ZCCHC4: variants seen among roughly 807,000 people sequenced by gnomAD.
The protein encoded by ZCCHC4 is zinc finger CCHC-type containing 4.
Under a neutral mutation model 67.7 loss-of-function variants are expected in ZCCHC4, and 54 were observed. The observed-to-expected ratio is 0.80, with a 90% CI of 0.64 to 1.00. The LOEUF (loss-of-function observed/expected upper bound fraction) is 1.00. ZCCHC4 is among the 50% of genes least tolerant of loss of function. ZCCHC4 has a pLI of 0.00. For synonymous variants in ZCCHC4, 198 were observed against 213.5 expected (o/e 0.93, Z 0.63); for missense variants, 609 against 617.0 (o/e 0.99, Z 0.14).
Position 25,364,594 on chromosome 4 carries a change from C to T in ZCCHC4, c.1261+89C>T, listed in dbSNP as rs150935198. ...ATAGATTTTTCATTGGATTTATAAA[C>T]GAAAAAATAATCAGTGTAGAGACTT... On this transcript the variant is annotated intron_variant, in intron 11 of 12. Transcript: ENST00000302874. The T allele has an allele frequency of 3.7e-5, 43 of 1,160,748 alleles. No homozygotes were observed. The East Asian group carries it at 7.3e-4, about 20-fold the overall frequency. The allele number at this position is 1,160,748 out of a possible 1,614,324, so 71.9% of individuals were successfully genotyped here.
chr4:25,366,182 C>T, intron 12 of ZCCHC4: 1 of 981,628 alleles, frequency 1.0e-6, no homozygotes, highest in Non-Finnish European at 1.2e-6. Context: ...TGTGGTCTAG[C>T]CACTTGAATT....
chr4:25,313,843 C>T (rs1327451535), intron 1 of ZCCHC4, among the ~76,000 whole-genome samples: 4 of 152,048 alleles, frequency 2.6e-5, no homozygotes, highest in Non-Finnish European at 5.9e-5. Flanking sequence ...TCAGCCTGGG[C>T]GACAGAGGGA....
At chr4:25,352,098 T>C in intron 8 of ZCCHC4, 11 of 988,600 alleles carry the variant, frequency 1.1e-5, no homozygotes, top group Non-Finnish European at 1.3e-5. Context: ...TAAATCACCT[T>C]TGTGGTTGGT....
At chr4:25,326,967 G>C (rs867636158) in intron 3 of ZCCHC4, among the ~76,000 whole-genome samples, 7 of 152,102 alleles carry the variant, frequency 4.6e-5, no homozygotes, top group Non-Finnish European at 7.4e-5. Context: ...AAATTGTATT[G>C]TTTTAAAATT....
chr4:25,366,161 T>C (rs1720935913), intron 12 of ZCCHC4: 1 of 983,682 alleles, frequency 1.0e-6, no homozygotes, highest in Admixed American at 6.1e-5. Flanking sequence ...AGTGAAAATT[T>C]TTTTTTCCAT....
At chr4:25,329,814 G>T (rs1459781296) in intron 3 of ZCCHC4, among the ~76,000 whole-genome samples, 3 of 151,932 alleles carry the variant, frequency 2.0e-5, no homozygotes, top group Non-Finnish European at 4.4e-5. Flanking sequence ...GATTACAGGC[G>T]TGAGCCACCG....
chr4:25,364,958 A>G (rs1720884713), intron 11 of ZCCHC4, 64 bp from the exon 12 acceptor site: 5 of 1,601,698 alleles, frequency 3.1e-6, no homozygotes, highest in Non-Finnish European at 4.3e-6. Context: ...CCTACCTTAA[A>G]AGTTAATAAG....
chr4:25,350,388 G>A (rs953288428), intron 7 of ZCCHC4, among the ~76,000 whole-genome samples: 2 of 150,018 alleles, frequency 1.3e-5, no homozygotes, highest in African/African-American at 4.9e-5. Context: ...AGCCTCCTGA[G>A]TAGCTGGGAC....
intron 12 of ZCCHC4, among the ~76,000 whole-genome samples, chr4:25,367,717 C>T (rs972950311): frequency 5.9e-5 from 9 of 152,076 alleles, no homozygotes; most frequent in African/African-American, 2.2e-4. Context: ...GATAAGGTAT[C>T]CCTAGTCCAT....
At chr4:25,313,261 T>G (rs1718050689) in intron 1 of ZCCHC4, among the ~76,000 whole-genome samples, 3 of 152,330 alleles carry the variant, frequency 2.0e-5, no homozygotes, top group South Asian at 4.1e-4. Context: ...TGATTTGCTC[T>G]CCCTTCAAAA....
chr4:25,334,538 A>T (rs1465925961), intron 5 of ZCCHC4, among the ~76,000 whole-genome samples: 1 of 152,208 alleles, frequency 6.6e-6, no homozygotes, highest in Admixed American at 6.5e-5. Flanking sequence ...ATGGCATCTG[A>T]TGATTTCTGA....
rs1247627496 is a variant in ZCCHC4, at chr4:25,312,833, T to C, written c.24T>C (p.Phe8=). The C allele has an allele frequency of 6.2e-7, 1 of 1,613,130 alleles. No homozygotes were observed. The highest frequency in any genetic ancestry group is 8.5e-7 in the Non-Finnish European group (1 of 1,180,018). The change falls in exon 1 of 13, where the codon TTT becomes TTC. Residue 8 remains phenylalanine (F), a synonymous_variant. Transcript: ENST00000302874. The part of the protein sequence containing the change: MAASRNG[F]EAVEAEGSAG... ...AGATGGCGGCCTCCAGGAATGGGTT[T>C]GAAGCCGTGGAGGCAGAGGGCAGCG...
chr4:25,333,162 G>A (rs763103897), intron 3 of ZCCHC4, 21 bp from the exon 4 acceptor site: 1 of 1,595,926 alleles, frequency 6.3e-7, no homozygotes, highest in Admixed American at 1.8e-5. Flanking sequence ...ATATTTCTTT[G>A]TGTTTTATTT....
At chr4:25,361,788 A>G (rs1720748554) in intron 8 of ZCCHC4, 71 bp from the exon 9 acceptor site, 2 of 1,442,746 alleles carry the variant, frequency 1.4e-6, no homozygotes, top group African/African-American at 2.8e-5. Flanking sequence ...TTGTTCGTTT[A>G]TTGGTTAAAG....
chr4:25,318,590 G>A (rs6824432), intron 3 of ZCCHC4, among the ~76,000 whole-genome samples: 10,773 of 151,466 alleles, frequency 0.071, 415 homozygotes, highest in South Asian at 0.11. Context: ...CCTGACCTCC[G>A]GTGGTCTGCC....
At chr4:25,321,117 AATT>A (rs1718559122) in intron 3 of ZCCHC4, among the ~76,000 whole-genome samples, 1 of 152,062 alleles carries the variant, frequency 6.6e-6, no homozygotes, top group African/African-American at 2.4e-5. Flanking sequence ...TAAAGGCCTT[AATT>A]ATTGTTGTTA....
intron 3 of ZCCHC4, among the ~76,000 whole-genome samples, chr4:25,329,856 T>A (rs1201153293): frequency 6.6e-6 from 1 of 152,114 alleles, no homozygotes; most frequent in Non-Finnish European, 1.5e-5. Flanking sequence ...ATTTTCTATG[T>A]CTTTGCTTAA....
At chr4:25,324,305 G>A (rs1163206113) in intron 3 of ZCCHC4, among the ~76,000 whole-genome samples, 4 of 151,952 alleles carry the variant, frequency 2.6e-5, no homozygotes, top group Non-Finnish European at 5.9e-5. Flanking sequence ...ATGAGCCACT[G>A]TGCCTGGCCA....
chr4:25,353,292 T>A, intron 8 of ZCCHC4, among the ~76,000 whole-genome samples: 1 of 152,218 alleles, frequency 6.6e-6, no homozygotes, highest in East Asian at 1.9e-4. Flanking sequence ...TATAATGGAC[T>A]TTTTTATGGC....
Sources: gnomAD v4.1 joint callset for allele counts (sites outside exome capture counted in the v4.1 genomes callset) on GRCh38, gnomAD v4.1.1 for gene constraint, MANE v1.5 for transcripts, NCBI Gene and HGNC (gene_info 2026-07-23, HGNC 2026-07-21) for gene names.